GPCPD1: variants seen among roughly 807,000 people sequenced by gnomAD.
GPCPD1 encodes glycerophosphocholine phosphodiesterase GPCPD1.
Under a neutral mutation model 89.2 loss-of-function variants are expected in GPCPD1, and 29 were observed. The ratio of observed to expected loss-of-function variants is 0.33; its 90% CI spans 0.24 to 0.44. The LOEUF (loss-of-function observed/expected upper bound fraction) is 0.44, where lower values mean the gene tolerates loss of function less well. Ranked by LOEUF, GPCPD1 falls within the 20% of genes least tolerant of loss-of-function variation. GPCPD1 has a pLI of 1.00. For missense variants in GPCPD1, 594 were observed against 808.9 expected (o/e 0.73, Z 3.22); for synonymous variants, 258 against 266.3 (o/e 0.97, Z 0.30).
chr20:5,552,143 T>C (rs897686435), intron 19 of GPCPD1, among the ~76,000 whole-genome samples: 1 of 151,924 alleles, frequency 6.6e-6, no homozygotes, highest in African/African-American at 2.4e-5. Context: ...ATTTTAAAAC[T>C]ATATACACAT....
chr20:5,603,022 G>C, intron 2 of GPCPD1, among the ~76,000 whole-genome samples: 1 of 150,342 alleles, frequency 6.7e-6, no homozygotes, highest in African/African-American at 2.5e-5. Flanking sequence ...GGCTGGGCAC[G>C]GTGGCTCCTA....
chr20:5,604,365 TG>T lies in GPCPD1; in HGVS notation c.47del (p.Pro16GlnfsTer59). The T allele has an allele frequency of 2.8e-6, 4 of 1,428,100 alleles. No individual in the cohort carries two copies. The highest frequency in any genetic ancestry group is 3.9e-6 in the Non-Finnish European group (4 of 1,017,736). 88.5% of individuals were successfully genotyped at this position (1,428,100 alleles called of 1,614,324 possible). A position where few individuals can be genotyped will look rare whatever the true frequency, so the allele number is the denominator to read the frequency against. On this transcript the variant is annotated frameshift_variant and splice_region_variant, in exon 2 of 20. Transcript: ENST00000379019. LOFTEE classifies it high-confidence loss of function. ...VAFEIRGTLL[P>X]GEVFAICGSC... The stretch of plus-strand genomic sequence containing the variant: ...TTTAAAGTAAAACTTTTACAATACC[TG>T]GTAAAAGAGTTCCTCTTATTTCAAA...
At chr20:5,556,327 C>G (rs1024850020) in intron 19 of GPCPD1, among the ~76,000 whole-genome samples, 4 of 152,148 alleles carry the variant, frequency 2.6e-5, no homozygotes, top group Middle Eastern at 3.4e-3. Context: ...CCTGCCTCAG[C>G]CCCGAGCAGC....
chr20:5,594,588 G>A (rs893545843), intron 3 of GPCPD1, among the ~76,000 whole-genome samples: 2 of 151,178 alleles, frequency 1.3e-5, no homozygotes, highest in Non-Finnish European at 3.0e-5. Flanking sequence ...CACCAGGCCC[G>A]GCCGCCTCCA....
In GPCPD1 at chr20:5,570,128, T is replaced by C. The variant is rs76246407; in HGVS notation, c.1149+19A>G. The C allele has an allele frequency of 1.2e-3, 1,439 of 1,156,954 alleles. 17 individuals are homozygous for C. In the African/African-American group the frequency reaches 0.02, roughly 16 times the overall value. The allele number at this position is 1,156,954 out of a possible 1,614,324, so 71.7% of individuals were successfully genotyped here. On this transcript the variant is annotated intron_variant, in intron 12 of 19. Coordinates refer to ENST00000379019, the MANE Select transcript of GPCPD1 (RefSeq NM_019593.5). ...TTTACTTAACATTAAGAGTTTGAAA[T>C]GAAGAAATTTCAACGTACCTTTTTC...
At chr20:5,597,441 A>G (rs528323288) in intron 3 of GPCPD1, among the ~76,000 whole-genome samples, 1 of 152,208 alleles carries the variant, frequency 6.6e-6, no homozygotes, top group Non-Finnish European at 1.5e-5. Flanking sequence ...AGTGACATGC[A>G]TGGAGTCAAA....
At chr20:5,549,371 G>T in intron 19 of GPCPD1, 1 of 1,202,314 alleles carries the variant, frequency 8.3e-7, no homozygotes, top group South Asian at 1.2e-5. Flanking sequence ...TATAGAGAGG[G>T]TATACAAGGA....
At chr20:5,576,776 A>G (rs1978290356) in intron 8 of GPCPD1, among the ~76,000 whole-genome samples, 1 of 152,190 alleles carries the variant, frequency 6.6e-6, no homozygotes, top group Non-Finnish European at 1.5e-5. Context: ...ACTCACTTTG[A>G]GATTACACTG....
intron 10 of GPCPD1, among the ~76,000 whole-genome samples, chr20:5,574,293 CAT>C (rs1319819114): frequency 6.6e-6 from 1 of 152,164 alleles, no homozygotes; most frequent in Non-Finnish European, 1.5e-5. Context: ...GAAATAGAGA[CAT>C]AGAAACCTGC....
Position 5,604,477 on chromosome 20 carries a change from A to G in GPCPD1, c.-28-37T>C, listed in dbSNP as rs1225087345. ...AAGAAAAGTAACTTATAGTATAAAAATATATGCCTTAGCTAGCCACCATCA... is the reference window on the plus strand; with the variant it reads ...AAGAAAAGTAACTTATAGTATAAAAGTATATGCCTTAGCTAGCCACCATCA... On this transcript the variant is annotated intron_variant, in intron 1 of 19. Transcript: ENST00000379019. 6 of 939,870 alleles carry G rather than the reference A, an allele frequency of 6.4e-6. No homozygotes were observed. In the East Asian group the frequency reaches 7.3e-5, roughly 11 times the overall value. 58.2% of individuals were successfully genotyped at this position (939,870 alleles called of 1,614,324 possible).
chr20:5,608,287 T>A (rs543497202), intron 1 of GPCPD1, among the ~76,000 whole-genome samples: 19 of 152,268 alleles, frequency 1.2e-4, no homozygotes, highest in Non-Finnish European at 2.6e-4. Context: ...CAAAGCTATA[T>A]ACACAAGCAC....
At position 5,593,391 on chromosome 20, in the gene GPCPD1, A is replaced by G; in HGVS notation, c.167T>C (p.Ile56Thr). ...TGESMLWKAT[I>T]VLSRGVSVQY... Reference sequence around the variant, plus strand: ...AACTGATACTCCTCTACTGAGTACAATGGTTGCTTTCCATAGCATGCTGTG... The same window carrying G: ...AACTGATACTCCTCTACTGAGTACAGTGGTTGCTTTCCATAGCATGCTGTG... The change falls in exon 4 of 20, where the codon ATT becomes ACT. Residue 56 changes from isoleucine to threonine, a missense_variant. Physicochemically the swap from Ile to Thr is moderately conservative, Grantham distance 89. Coordinates refer to ENST00000379019, the MANE Select transcript of GPCPD1 (RefSeq NM_019593.5). 1 of 1,592,896 alleles carries G rather than the reference A, an allele frequency of 6.3e-7. No homozygotes were observed. The highest frequency in any genetic ancestry group is 8.6e-7 in the Non-Finnish European group (1 of 1,161,426).
intron 12 of GPCPD1, among the ~76,000 whole-genome samples, chr20:5,568,694 CAA>C (rs1337987331): frequency 2.0e-5 from 3 of 152,028 alleles, no homozygotes; most frequent in Admixed American, 6.6e-5. Flanking sequence ...CACCTGAGGT[CAA>C]GAGTTTGAGA....
intron 19 of GPCPD1, chr20:5,549,557 T>A: frequency 1.2e-6 from 1 of 846,770 alleles, no homozygotes; most frequent in Non-Finnish European, 1.9e-6. Flanking sequence ...TGGAGCTGAA[T>A]CAAAGCCTCT....
intron 11 of GPCPD1, among the ~76,000 whole-genome samples, chr20:5,570,634 C>T (rs1199482767): frequency 6.6e-6 from 1 of 152,122 alleles, no homozygotes; most frequent in African/African-American, 2.4e-5. Context: ...ATGAAAGATT[C>T]AGTGAGGGAA....
At chr20:5,607,209 C>T (rs745789019) in intron 1 of GPCPD1, among the ~76,000 whole-genome samples, 4 of 152,094 alleles carry the variant, frequency 2.6e-5, no homozygotes, top group Admixed American at 1.3e-4. Context: ...ATCACTTGAA[C>T]CTGGGAGGCA....
At chr20:5,556,838 A>G (rs1009398084) in intron 19 of GPCPD1, among the ~76,000 whole-genome samples, 1 of 152,230 alleles carries the variant, frequency 6.6e-6, no homozygotes, top group African/African-American at 2.4e-5. Flanking sequence ...CATGGAGCCT[A>G]TATTCTCATT....
Position 5,544,900 on chromosome 20 carries a change from C to T in GPCPD1, c.*2761G>A, listed in dbSNP as rs73076084. On this transcript the variant is annotated 3_prime_UTR_variant, in exon 20 of 20. Transcript: ENST00000379019. Reference sequence around the variant, plus strand: ...GTAAGCTTGGAGTTTGGATGGGAGACGACAGACAAGTGTCACAAGGAGCAA... The same window carrying T: ...GTAAGCTTGGAGTTTGGATGGGAGATGACAGACAAGTGTCACAAGGAGCAA... The T allele has an allele frequency of 0.077, 11,749 of 152,102 alleles. 756 individuals carry two copies. The highest frequency in any genetic ancestry group is 0.18 in the African/African-American group (7,431 of 41,428). 9.4% of individuals were successfully genotyped at this position (152,102 alleles called of 1,614,324 possible).
At chr20:5,572,055 C>CA (rs1401048607) in intron 11 of GPCPD1, among the ~76,000 whole-genome samples, 1 of 152,004 alleles carries the variant, frequency 6.6e-6, no homozygotes, top group Non-Finnish European at 1.5e-5. Context: ...CCCGTCTCTA[C>CA]AAAAAATACA....
Sources: allele counts gnomAD v4.1 joint callset (sites outside exome capture counted in the v4.1 genomes callset), GRCh38; gene constraint gnomAD v4.1.1; transcripts MANE v1.5; gene names NCBI Gene and HGNC (gene_info 2026-07-23, HGNC 2026-07-21).